Variants in TYW1 observed in about 807,000 individuals in gnomAD.
TYW1 encodes S-adenosyl-L-methionine-dependent tRNA 4-demethylwyosine synthase TYW1.
Under a neutral mutation model 96.2 loss-of-function variants are expected in TYW1, and 46 were observed. That is an observed-to-expected ratio of 0.48 (90% CI 0.38 to 0.61). The LOEUF (loss-of-function observed/expected upper bound fraction) is 0.61, where lower values mean the gene tolerates loss of function less well. TYW1 is among the 20% of genes least tolerant of loss of function. TYW1 has a pLI of 0.00. For synonymous variants in TYW1, 274 were observed against 323.0 expected (o/e 0.85, Z 1.63); for missense variants, 684 against 909.6 (o/e 0.75, Z 3.19).
In TYW1 at chr7:67,195,133, T is replaced by C. The variant is rs767196043; in HGVS notation, c.1810-37T>C. The C allele has an allele frequency of 1.4e-5, 23 of 1,603,030 alleles. 1 individual carries two copies. Among genetic ancestry groups the C allele is most frequent in the Middle Eastern group, 3.3e-4 (2 of 6,002 alleles). On this transcript the variant is annotated intron_variant, in intron 14 of 15. Coordinates refer to ENST00000359626, the MANE Select transcript of TYW1 (RefSeq NM_018264.4). ...TCTTCTTCTATGACATGCAGGTAGG[T>C]CTGTAGTCATCTCTGATGGTTATAC...
At chr7:67,230,467 C>CA (rs1241561093) in intron 15 of TYW1, among the ~76,000 whole-genome samples, 20 of 151,614 alleles carry the variant, frequency 1.3e-4, no homozygotes, top group Non-Finnish European at 2.4e-4. Flanking sequence ...CAAAACAAAA[C>CA]AAAAAAGCAG....
chr7:67,165,885 G>A (rs1261751510), intron 13 of TYW1, among the ~76,000 whole-genome samples: 3 of 152,096 alleles, frequency 2.0e-5, no homozygotes, highest in East Asian at 3.8e-4. Flanking sequence ...AGCCAAGATC[G>A]TGCCACTGCA....
intron 12 of TYW1, among the ~76,000 whole-genome samples, chr7:67,105,119 C>A (rs1248220705): frequency 1.3e-5 from 2 of 152,264 alleles, no homozygotes; most frequent in East Asian, 3.8e-4. Context: ...ATCTTTCAAG[C>A]CTTTGCTTGT....
chr7:67,105,940 C>A (rs1797226205), intron 12 of TYW1, among the ~76,000 whole-genome samples: 1 of 137,920 alleles, frequency 7.3e-6, no homozygotes, highest in East Asian at 2.2e-4. Flanking sequence ...TCTTGTTGCC[C>A]AGGCTGGAGT....
At chr7:67,024,245 G>C (rs1207815025) in intron 6 of TYW1, among the ~76,000 whole-genome samples, 1 of 152,056 alleles carries the variant, frequency 6.6e-6, no homozygotes, top group Non-Finnish European at 1.5e-5. Flanking sequence ...GCCCAGGCTG[G>C]TCTTGAACTC....
rs142739843 is a variant in TYW1 at position 67,065,783 on chromosome 7, G to A, written c.1156-1502G>A. Among the ~76,000 whole-genome samples the A allele has an allele frequency of 6.2e-4, 94 of 152,082 alleles. 1 individual carries two copies. Among genetic ancestry groups the A allele is most frequent in the Non-Finnish European group, 1.1e-3 (76 of 67,996 alleles). On this transcript the variant is annotated intron_variant, in intron 9 of 15. Coordinates refer to ENST00000359626, the MANE Select transcript of TYW1 (RefSeq NM_018264.4). ...AACAGTACTTTGGGAGGTCGAGGTGGGCGGATCACTTGAGGTCAGGAGTTC... is the reference window on the plus strand; with the variant it reads ...AACAGTACTTTGGGAGGTCGAGGTGAGCGGATCACTTGAGGTCAGGAGTTC...
intron 6 of TYW1, among the ~76,000 whole-genome samples, chr7:67,019,444 C>T (rs1005525202): frequency 4.6e-5 from 7 of 151,728 alleles, no homozygotes; most frequent in South Asian, 2.1e-4. Context: ...GTGATCTGCC[C>T]GCCTCGGCCT....
intron 7 of TYW1, among the ~76,000 whole-genome samples, chr7:67,035,066 G>T (rs917054351): frequency 6.6e-6 from 1 of 151,266 alleles, no homozygotes; most frequent in Non-Finnish European, 1.5e-5. Context: ...TGCATTTTGT[G>T]TTTATTGTTC....
At chr7:67,033,593 A>G (rs1444634315) in intron 7 of TYW1, among the ~76,000 whole-genome samples, 1 of 152,124 alleles carries the variant, frequency 6.6e-6, no homozygotes, top group East Asian at 1.9e-4. Flanking sequence ...GAGGGAGTGG[A>G]GAGAACTTAA....
chr7:67,230,670 T>TTTTTTTG (rs58396277), intron 15 of TYW1, among the ~76,000 whole-genome samples: 1 of 145,482 alleles, frequency 6.9e-6, no homozygotes, highest in Admixed American at 7.0e-5. Flanking sequence ...TTTTTTTTTT[T>TTTTTTTG]GAGGCGGAGT....
At chr7:67,038,358 A>C (rs1210959366) in intron 7 of TYW1, among the ~76,000 whole-genome samples, 3 of 150,222 alleles carry the variant, frequency 2.0e-5, no homozygotes, top group Non-Finnish European at 4.4e-5. Context: ...GTAATCCCAG[A>C]ACTTTGGGAG....
At chr7:67,196,048 T>A (rs554989622) in intron 15 of TYW1, among the ~76,000 whole-genome samples, 1 of 152,302 alleles carries the variant, frequency 6.6e-6, no homozygotes, top group African/African-American at 2.4e-5. Flanking sequence ...CATATTTTTT[T>A]AATATCTCTT....
intron 7 of TYW1, among the ~76,000 whole-genome samples, chr7:67,045,387 A>C (rs1007816221): frequency 1.6e-4 from 24 of 151,672 alleles, no homozygotes; most frequent in Non-Finnish European, 1.6e-4. Flanking sequence ...ATTAAAAAAA[A>C]ATTTTTTTTT....
intron 15 of TYW1, among the ~76,000 whole-genome samples, chr7:67,212,198 A>G (rs1801055568): frequency 6.6e-6 from 1 of 151,740 alleles, no homozygotes; most frequent in Non-Finnish European, 1.5e-5. Flanking sequence ...TCCAAGGGTC[A>G]TATAATGGGA....
At chr7:67,114,083 A>G in intron 12 of TYW1, among the ~76,000 whole-genome samples, 1 of 152,220 alleles carries the variant, frequency 6.6e-6, no homozygotes, top group East Asian at 1.9e-4. Flanking sequence ...GGTAAAGCAC[A>G]CAGCAGAGTG....
At chr7:67,229,953 A>T (rs1472530642) in intron 15 of TYW1, among the ~76,000 whole-genome samples, 1 of 144,944 alleles carries the variant, frequency 6.9e-6, no homozygotes, top group East Asian at 1.9e-4. Context: ...CCCTGTCTCT[A>T]AAACAAAACA....
chr7:67,206,624 T>C (rs1304951704), intron 15 of TYW1, among the ~76,000 whole-genome samples: 1 of 60,114 alleles, frequency 1.7e-5, no homozygotes, highest in Non-Finnish European at 3.2e-5. Flanking sequence ...GTCTCAAACA[T>C]AAATAAATAA....
chr7:67,115,656 G>C (rs1797570167), intron 12 of TYW1, among the ~76,000 whole-genome samples: 1 of 152,070 alleles, frequency 6.6e-6, no homozygotes, highest in Non-Finnish European at 1.5e-5. Flanking sequence ...CTCCTAAAAA[G>C]TAGCTTTAAT....
intron 9 of TYW1, among the ~76,000 whole-genome samples, chr7:67,065,420 C>T (rs1220152351): frequency 2.0e-5 from 3 of 152,178 alleles, no homozygotes; most frequent in African/African-American, 7.2e-5. Context: ...TTGAAGTGTA[C>T]AGTTCTTCAG....
Sources: gnomAD v4.1 joint callset for allele counts (sites outside exome capture counted in the v4.1 genomes callset) on GRCh38, gnomAD v4.1.1 for gene constraint, MANE v1.5 for transcripts, NCBI Gene and HGNC (gene_info 2026-07-23, HGNC 2026-07-21) for gene names.